Variants in SLC12A6 observed in about 807,000 individuals in gnomAD.
SLC12A6 encodes the protein solute carrier family 12 member 6, also known as K-Cl cotransporter 3.
In SLC12A6, 66 loss-of-function variants were observed where a neutral mutation model predicts 135.3. The ratio of observed to expected loss-of-function variants is 0.49; its 90% CI spans 0.40 to 0.60. SLC12A6 has a LOEUF of 0.60. Among genes scored for constraint, SLC12A6 ranks in the 20% least tolerant of loss-of-function variants. SLC12A6 has a pLI of 0.00. For synonymous variants in SLC12A6, 513 were observed against 508.8 expected (o/e 1.01, Z -0.11); for missense variants, 1,058 against 1,452.3 (o/e 0.73, Z 4.41).
chr15:34,257,157 G>GT (rs1892810807), intron 6 of SLC12A6, among the ~76,000 whole-genome samples: 2 of 152,168 alleles, frequency 1.3e-5, no homozygotes, highest in Admixed American at 1.3e-4. Context: ...AGATAAAAAT[G>GT]TTCTCAGTAG....
intron 2 of SLC12A6, among the ~76,000 whole-genome samples, chr15:34,329,261 G>C (rs1284643806): frequency 6.6e-6 from 1 of 152,200 alleles, no homozygotes; most frequent in Non-Finnish European, 1.5e-5. Flanking sequence ...AGGGCACAAA[G>C]GAGTGCCTTT....
At chr15:34,245,932 A>G in intron 13 of SLC12A6, 65 bp from the exon 14 acceptor site, 1 of 1,285,602 alleles carries the variant, frequency 7.8e-7, no homozygotes, top group Non-Finnish European at 1.1e-6. Context: ...GACTAGAGAT[A>G]TTCACCCAAT....
At chr15:34,318,829 G>T (rs911550120) in intron 2 of SLC12A6, 5 of 1,513,988 alleles carry the variant, frequency 3.3e-6, no homozygotes, top group Non-Finnish European at 4.4e-6. Flanking sequence ...TTAAGCTCAC[G>T]TGACCTACAG....
chr15:34,294,026 T>C (rs1276746513), intron 2 of SLC12A6, among the ~76,000 whole-genome samples: 1 of 152,262 alleles, frequency 6.6e-6, no homozygotes, highest in Non-Finnish European at 1.5e-5. Flanking sequence ...AATTCACCAA[T>C]CATTTTGTAA....
intron 13 of SLC12A6, among the ~76,000 whole-genome samples, chr15:34,249,434 G>T (rs1222137384): frequency 6.6e-6 from 1 of 152,080 alleles, no homozygotes; most frequent in Non-Finnish European, 1.5e-5. Context: ...GGGTGTGGTG[G>T]TATGCACCTG....
In SLC12A6 at chr15:34,238,409, G is replaced by GA. The variant is rs1891420352; in HGVS notation, c.2633-9dup. On this transcript the variant is annotated splice_polypyrimidine_tract_variant and intron_variant, in intron 20 of 25. Coordinates refer to ENST00000354181, the MANE Select transcript of SLC12A6 (RefSeq NM_001365088.1). ...TTGTCACTCGAACTGTGCCTAGGGAGAAAAAAGAATAAGCAGAGAAGAATC... is the reference window on the plus strand; with the variant it reads ...TTGTCACTCGAACTGTGCCTAGGGAGAAAAAAAGAATAAGCAGAGAAGAATC... 1 of 1,610,004 alleles carries GA rather than the reference G, an allele frequency of 6.2e-7. No homozygotes were observed. The highest frequency in any genetic ancestry group is 1.3e-5 in the African/African-American group (1 of 74,970).
chr15:34,244,095 A>T (rs1417570261), intron 15 of SLC12A6, 23 bp from the exon 16 acceptor site: 1 of 1,230,098 alleles, frequency 8.1e-7, no homozygotes, highest in East Asian at 2.3e-5. Context: ...GAGTAAGAGG[A>T]ATGATTATTA....
chr15:34,299,154 C>T (rs148278857), intron 2 of SLC12A6, among the ~76,000 whole-genome samples: 1,871 of 152,210 alleles, frequency 0.012, 22 homozygotes, highest in Non-Finnish European at 0.021. Context: ...TTTGAAATCT[C>T]AGGCTGGGGG....
rs553669455 is a variant in SLC12A6, at chr15:34,247,100, A to AT, written c.1650-1234dup. ...TAAGAAGATTCAAGTCTTGTGGCAC[A>AT]TGCACACTCCACACCAGTCTTCTGT... On this transcript the variant is annotated intron_variant, in intron 13 of 25. Transcript: ENST00000354181. Among the ~76,000 whole-genome samples the AT allele has an allele frequency of 5.9e-5, 9 of 152,306 alleles. No individual in the cohort carries two copies. The South Asian group carries it at 1.5e-3, about 25-fold the overall frequency.
intron 2 of SLC12A6, among the ~76,000 whole-genome samples, chr15:34,285,549 G>A (rs1196076899): frequency 6.6e-6 from 1 of 151,614 alleles, no homozygotes; most frequent in East Asian, 1.9e-4. Context: ...GGAATCCTGT[G>A]TAGTGGAAAA....
chr15:34,237,023 A>C, intron 22 of SLC12A6: 1 of 577,252 alleles, frequency 1.7e-6, no homozygotes, highest in South Asian at 1.9e-5. Flanking sequence ...TCTTTTCCAT[A>C]ATCTAACCAA....
rs144664223 is a variant in SLC12A6 at position 34,321,548 on chromosome 15, A to G, written c.271+14862T>C. 5.3e-5 allele frequency among the ~76,000 whole-genome samples: 8 copies of G among 152,332 alleles called. No individual in the cohort carries two copies. In the East Asian group the frequency reaches 1.5e-3, roughly 29 times the overall value. On this transcript the variant is annotated intron_variant, in intron 2 of 25. Transcript: ENST00000354181. ...TTCATACACTGTTGTTGGGGGTATA[A>G]ATTAGTACAACCACTATGGAAAAGG...
At chr15:34,250,836 C>T (rs1289120266) in intron 11 of SLC12A6, 63 bp downstream of exon 11, 5 of 1,469,406 alleles carry the variant, frequency 3.4e-6, no homozygotes, top group African/African-American at 1.4e-5. Context: ...AATTCTGCCT[C>T]CTGAGAAAAA....
chr15:34,300,024 T>G (rs184538374), intron 2 of SLC12A6, among the ~76,000 whole-genome samples: 2 of 152,098 alleles, frequency 1.3e-5, no homozygotes, highest in African/African-American at 4.8e-5. Flanking sequence ...GAAGACTAAA[T>G]GAGCAAAAAT....
chr15:34,308,843 T>C (rs954146827), intron 2 of SLC12A6, among the ~76,000 whole-genome samples: 1 of 152,134 alleles, frequency 6.6e-6, no homozygotes, highest in Non-Finnish European at 1.5e-5. Context: ...GAAGAACTAG[T>C]AACTACTGAA....
At position 34,301,174 on chromosome 15, in the gene SLC12A6, G is replaced by A. The variant is rs1032850038; in HGVS notation, c.272-25785C>T. Among the ~76,000 whole-genome samples the A allele has an allele frequency of 3.3e-5, 5 of 151,970 alleles. 1 individual carries two copies. Among genetic ancestry groups the A allele is most frequent in the South Asian group, 4.1e-4 (2 of 4,826 alleles). On this transcript the variant is annotated intron_variant, in intron 2 of 25. Coordinates refer to ENST00000354181, the MANE Select transcript of SLC12A6 (RefSeq NM_001365088.1). ...AGTAGAGACAGGGTTTCACCATGTC[G>A]GTCAGGCTGGTCTTGAACTCCTGAC...
chr15:34,294,572 A>G (rs1895755223), intron 2 of SLC12A6, among the ~76,000 whole-genome samples: 2 of 150,560 alleles, frequency 1.3e-5, no homozygotes, highest in Admixed American at 6.6e-5. Context: ...CCTTTTTTTT[A>G]ATTTTATTTT....
chr15:34,289,952 G>A lies in SLC12A6; in HGVS notation c.272-14563C>T, dbSNP rs190054167. On this transcript the variant is annotated intron_variant, in intron 2 of 25. Transcript: ENST00000354181. Reference sequence around the variant, plus strand: ...CTCCTGGATTCATTGATTTTTTTAAGGGATTTTGTGTCCCTATCTCCTTCA... The same window carrying A: ...CTCCTGGATTCATTGATTTTTTTAAAGGATTTTGTGTCCCTATCTCCTTCA... Among the ~76,000 whole-genome samples, 301 of 152,018 alleles carry A rather than the reference G, an allele frequency of 2.0e-3. 3 individuals are homozygous for A. The highest frequency in any genetic ancestry group is 3.7e-3 in the Non-Finnish European group (251 of 67,958).
At chr15:34,266,812 C>T (rs1039216221) in intron 3 of SLC12A6, among the ~76,000 whole-genome samples, 10 of 152,168 alleles carry the variant, frequency 6.6e-5, no homozygotes, top group Non-Finnish European at 1.3e-4. Context: ...AATTTATTGG[C>T]ATTTTAAACA....
Sources: gnomAD v4.1 joint callset for allele counts (sites outside exome capture counted in the v4.1 genomes callset) on GRCh38, gnomAD v4.1.1 for gene constraint, MANE v1.5 for transcripts, NCBI Gene and HGNC (gene_info 2026-07-23, HGNC 2026-07-21) for gene names.